The following PKHD1 variants were observed in gnomAD, a reference collection of about 807,000 sequenced individuals.
The protein encoded by PKHD1 is fibrocystin.
Under a neutral mutation model 412.0 loss-of-function variants are expected in PKHD1, and 291 were observed. The ratio of observed to expected loss-of-function variants is 0.71; its 90% confidence interval spans 0.64 to 0.78. The LOEUF (loss-of-function observed/expected upper bound fraction) is 0.78, where lower values mean the gene tolerates loss of function less well. PKHD1 is among the 30% of genes least tolerant of loss of function. The pLI is 0.00. For missense variants in PKHD1, 4,825 were observed against 4,950.7 expected, an observed-to-expected ratio of 0.97 and a Z score of 0.76; for synonymous variants, 1,777 against 1,821.5, an observed-to-expected ratio of 0.98 and a Z score of 0.62.
chr6:51,985,028 AC>A (rs1796038878), intron 35 of PKHD1, among the ~76,000 whole-genome samples: 2 of 151,738 alleles, frequency 1.3e-5, no homozygotes, highest in African/African-American at 2.4e-5. Flanking sequence ...GAAAAAAAAA[AC>A]AATTACTAGA....
intron 60 of PKHD1, among the ~76,000 whole-genome samples, chr6:51,697,100 A>G (rs1464391311): frequency 7.9e-5 from 12 of 152,100 alleles, no homozygotes; most frequent in Admixed American, 7.9e-4. Context: ...GAGGCAGGAG[A>G]GTCGCTGAGG....
chr6:52,085,124 T>C (rs1465829841), intron 1 of PKHD1, 107 bp from the exon 2 acceptor site: 2 of 565,592 alleles, frequency 3.5e-6, no homozygotes, highest in East Asian at 3.1e-5. Flanking sequence ...AACATGGCCT[T>C]AGTGTCTTCA....
In PKHD1 at chr6:51,867,942, C is replaced by T; in HGVS notation, c.7654G>A (p.Val2552Ile). Reference protein sequence around the residue: ...SMETLSASCLVNSSFGRVVHG... With the variant: ...SMETLSASCLINSSFGRVVHG... ...ACAACCCGACCAAAGCTTGAATTGA[C>T]CAAACAAGAAGCTGAAAGGGTTTCC... Residue 2552 changes from valine (V) to isoleucine (I), a missense_variant, in exon 48 of 67, where the codon GTC (valine) becomes ATC (isoleucine). Physicochemically the swap from Val to Ile is conservative, Grantham distance 29 (BLOSUM62 3). Transcript: ENST00000371117. 1 of 1,613,324 alleles carries T rather than the reference C, an allele frequency of 6.2e-7. No individual in the cohort carries two copies. The highest frequency in any genetic ancestry group is 2.2e-5 in the East Asian group (1 of 44,878).
At chr6:51,937,322 C>T (rs948186829) in intron 36 of PKHD1, among the ~76,000 whole-genome samples, 8 of 152,182 alleles carry the variant, frequency 5.3e-5, no homozygotes, top group African/African-American at 1.9e-4. Flanking sequence ...ACATATAAAA[C>T]CAAGCTGTAG....
intron 10 of PKHD1, among the ~76,000 whole-genome samples, 155 bp from the exon 11 acceptor site, chr6:52,069,682 C>T (rs1398759950): frequency 3.3e-5 from 5 of 152,044 alleles, no homozygotes; most frequent in Non-Finnish European, 7.4e-5. Context: ...AGAACAATAC[C>T]AACAGGACAA....
intron 35 of PKHD1, chr6:51,975,963 T>TAAAAAAAAAAAAAAAAAAAAAAAAAAA (rs66774242): frequency 1.4e-5 from 1 of 69,766 alleles, no homozygotes; most frequent in Non-Finnish European, 2.7e-5. Context: ...TTTCTCTAAT[T>TAAAAAAAAAAAAAAAAAAAAAAAAAAA]AAAAAAAAAA....
chr6:52,025,298 A>T lies in PKHD1; in HGVS notation c.4512T>A (p.Ile1504=). The T allele has an allele frequency of 6.2e-7, 1 of 1,613,986 alleles. No homozygotes were observed. Among genetic ancestry groups the T allele is most frequent in the Non-Finnish European group, 8.5e-7 (1 of 1,179,986 alleles). The change falls in exon 32 of 67, where the codon ATT becomes ATA. Residue 1504 remains isoleucine, a synonymous_variant. Coordinates refer to ENST00000371117, the MANE Select transcript of PKHD1 (RefSeq NM_138694.4). The stretch of plus-strand genomic sequence containing the variant: ...CTGTGGTGGCTAACCTCTGACCCCT[A>T]ATCAGCACAGTGGTCAGAGACCCAC... ...NTSGSLTTVL[I]RGQRLATTAD...
At chr6:51,987,620 G>A (rs1054720902) in intron 35 of PKHD1, among the ~76,000 whole-genome samples, 2 of 152,074 alleles carry the variant, frequency 1.3e-5, no homozygotes, top group African/African-American at 2.4e-5. Flanking sequence ...CTGAAATGAT[G>A]AGGAAAATAT....
chr6:52,077,153 G>A (rs1322544900), intron 5 of PKHD1, among the ~76,000 whole-genome samples: 3 of 152,188 alleles, frequency 2.0e-5, no homozygotes, highest in Admixed American at 6.5e-5. Flanking sequence ...TCGAATTTTT[G>A]TGAATGAAAA....
intron 13 of PKHD1, among the ~76,000 whole-genome samples, chr6:52,063,275 G>T (rs1270527613): frequency 6.6e-6 from 1 of 152,208 alleles, no homozygotes; most frequent in Non-Finnish European, 1.5e-5. Flanking sequence ...AATATTGAAT[G>T]CTAACTTGGG....
intron 43 of PKHD1, among the ~76,000 whole-genome samples, chr6:51,897,770 T>A (rs1218710824): frequency 7.0e-6 from 1 of 142,666 alleles, no homozygotes; most frequent in African/African-American, 2.7e-5. Context: ...AGGAAACCCA[T>A]CTCATGTGCA....
chr6:51,708,051 C>G (rs1780218607), intron 60 of PKHD1, among the ~76,000 whole-genome samples: 1 of 152,172 alleles, frequency 6.6e-6, no homozygotes, highest in Non-Finnish European at 1.5e-5. Flanking sequence ...AACTTCAGAA[C>G]TGCATATTTA....
chr6:51,820,610 T>A (rs961919059), intron 52 of PKHD1, among the ~76,000 whole-genome samples: 8 of 152,294 alleles, frequency 5.3e-5, no homozygotes, highest in Middle Eastern at 3.4e-3. Context: ...ATCAAAAAAA[T>A]TATTTAGAGA....
In PKHD1 at chr6:52,062,582, C is replaced by T. The variant is rs1273372111; in HGVS notation, c.1055G>A (p.Trp352Ter). The part of the protein sequence containing the change: ...ELTEATPGYR[W>*]QIVPNASSPF... ...AGAACTGGCATTAGGGACAATCTGC[C>T]ACCTGTACCCTGGGGTGGCTTCAGT... Residue 352 changes from tryptophan (W) to a stop codon, truncating the protein, a stop_gained, in exon 14 of 67, where the codon TGG becomes TAG. Coordinates refer to ENST00000371117, the MANE Select transcript of PKHD1 (RefSeq NM_138694.4). LOFTEE classifies it high-confidence loss of function. The T allele has an allele frequency of 6.2e-7, 1 of 1,614,128 alleles. No individual in the cohort carries two copies. Among genetic ancestry groups the T allele is most frequent in the African/African-American group, 1.3e-5 (1 of 75,042 alleles).
intron 60 of PKHD1, among the ~76,000 whole-genome samples, chr6:51,729,516 A>C (rs536093087): frequency 2.0e-5 from 3 of 152,138 alleles, no homozygotes; most frequent in Non-Finnish European, 4.4e-5. Context: ...GGCATGATAT[A>C]TTTTCTTTTT....
intron 35 of PKHD1, among the ~76,000 whole-genome samples, chr6:51,999,842 T>A (rs1306199723): frequency 6.6e-6 from 1 of 152,156 alleles, no homozygotes. Context: ...CAAACACTGA[T>A]GAAATTCATA....
At chr6:51,641,789 G>A (rs1769388943) in intron 63 of PKHD1, among the ~76,000 whole-genome samples, 1 of 152,084 alleles carries the variant, frequency 6.6e-6, no homozygotes, top group Admixed American at 6.6e-5. Context: ...AACTAACACA[G>A]GAACAGAAAA....
chr6:51,972,965 C>A (rs1210893780), intron 35 of PKHD1, among the ~76,000 whole-genome samples: 1 of 152,166 alleles, frequency 6.6e-6, no homozygotes, highest in Non-Finnish European at 1.5e-5. Context: ...AGGATCAAAA[C>A]CGCATGCCAC....
intron 60 of PKHD1, among the ~76,000 whole-genome samples, chr6:51,715,552 C>T (rs1290044585): frequency 1.3e-5 from 2 of 152,160 alleles, no homozygotes; most frequent in Admixed American, 1.3e-4. Context: ...CCATGAAACA[C>T]ACACTAGAGC....
Sources: gnomAD v4.1 joint callset for allele counts (sites outside exome capture counted in the v4.1 genomes callset) on GRCh38, gnomAD v4.1.1 for gene constraint, MANE v1.5 for transcripts, NCBI Gene and HGNC (gene_info 2026-07-23, HGNC 2026-07-21) for gene names.